Variants in TVP23A observed in about 807,000 individuals in gnomAD.
The protein encoded by TVP23A is trans-golgi network vesicle protein 23 homolog A.
Under a neutral mutation model 31.7 loss-of-function variants are expected in TVP23A, and 21 were observed. The observed-to-expected ratio is 0.66, with a 90% confidence interval of 0.47 to 0.95. TVP23A has a LOEUF of 0.95. Among genes scored for constraint, TVP23A ranks in the 40% least tolerant of loss-of-function variants. The probability of loss-of-function intolerance (pLI) is 0.00; values close to 1 mark genes in which losing one functional copy is unlikely to be tolerated. For missense variants in TVP23A, 279 were observed against 255.6 expected (o/e 1.09, Z -0.62); for synonymous variants, 104 against 96.0 (o/e 1.08, Z -0.49).
Position 10,766,692 on chromosome 16 carries a change from G to C in TVP23A, c.*2410C>G. The C allele has an allele frequency of 2.7e-6, 1 of 364,070 alleles. No homozygotes were observed. The allele number at this position is 364,070 out of a possible 1,614,324, so 22.6% of individuals were successfully genotyped here. ...CGCACAAAGAAAGGAAGGAAGGAAG[G>C]GATTTATTGAAAATGAAAGTCAACT... On this transcript the variant is annotated 3_prime_UTR_variant, in exon 8 of 8. Coordinates refer to ENST00000299866, the MANE Select transcript of TVP23A (RefSeq NM_001079512.4). This position sits in a 1 kb window ranked among gnomAD's most constrained non-coding sequence, Gnocchi z 4.8.
intron 2 of TVP23A, among the ~76,000 whole-genome samples, chr16:10,811,372 A>C (rs1212053615): frequency 6.6e-6 from 1 of 152,072 alleles, no homozygotes; most frequent in South Asian, 2.1e-4. Flanking sequence ...AGGCTCAAGC[A>C]ATCTTCCTAC....
At chr16:10,808,634 G>C (rs907171337) in intron 2 of TVP23A, 1 of 430,376 alleles carries the variant, frequency 2.3e-6, no homozygotes, top group Non-Finnish European at 4.7e-6. Flanking sequence ...AAAATTAGCA[G>C]GGTGTAGTAG....
At chr16:10,798,886 T>C (rs543046012) in intron 2 of TVP23A, among the ~76,000 whole-genome samples, 16 of 152,148 alleles carry the variant, frequency 1.1e-4, no homozygotes, top group Non-Finnish European at 2.2e-4. Context: ...ATGGTCTCGA[T>C]CTCCTGACCT....
rs944637013 is a variant in TVP23A, at chr16:10,796,340, C to CA, written c.90-21245dup. 2.3e-3 allele frequency among the ~76,000 whole-genome samples: 340 copies of CA among 150,852 alleles called. 2 individuals carry two copies. The highest frequency in any genetic ancestry group is 8.1e-3 in the African/African-American group (330 of 40,948). ...TGGGCAACAGAGCAAGACCCTGTCT[C>CA]AAAAAAAAGAACAATTTAAAAGATA... On this transcript the variant is annotated intron_variant, in intron 2 of 7. Transcript: ENST00000299866.
At chr16:10,805,206 AT>A (rs2033888134) in intron 2 of TVP23A, among the ~76,000 whole-genome samples, 1 of 151,282 alleles carries the variant, frequency 6.6e-6, no homozygotes, top group African/African-American at 2.4e-5. Flanking sequence ...TAATTTTTGT[AT>A]TTTTAGTAGA....
At position 10,777,749 on chromosome 16, in the gene TVP23A, C is replaced by T. The variant is rs930049494; in HGVS notation, c.90-2653G>A. Among the ~76,000 whole-genome samples, 30 of 152,268 alleles carry T rather than the reference C, an allele frequency of 2.0e-4. No homozygotes were observed. In the South Asian group the frequency reaches 5.8e-3, roughly 30 times the overall value. ...GGATCAAGCCGGGCGTGGTGGCTCA[C>T]GCCTGTAATCCCAGCACTTTGGGAG... On this transcript the variant is annotated intron_variant, in intron 2 of 7. Transcript: ENST00000299866. The surrounding 1 kb of genome is among the most constrained non-coding windows in gnomAD (Gnocchi z 4.5).
rs944492286 is a variant in TVP23A, at chr16:10,770,175, G to C, written c.*97C>G. On this transcript the variant is annotated intron_variant, in intron 7 of 7. Coordinates refer to ENST00000299866, the MANE Select transcript of TVP23A (RefSeq NM_001079512.4). ...CATGCCTGGCCACCCCAGGGAACAGGGGAAGCCCACCCAGACCCCGGGCCC... is the reference window on the plus strand; with the variant it reads ...CATGCCTGGCCACCCCAGGGAACAGCGGAAGCCCACCCAGACCCCGGGCCC... The C allele has an allele frequency of 5.3e-5, 78 of 1,472,568 alleles. No individual in the cohort carries two copies. In the African/African-American group the frequency reaches 8.1e-4, roughly 15 times the overall value. The allele number at this position is 1,472,568 out of a possible 1,614,324, so 91.2% of individuals were successfully genotyped here. A position where few individuals can be genotyped will look rare whatever the true frequency, so the allele number is the denominator to read the frequency against.
intron 2 of TVP23A, among the ~76,000 whole-genome samples, chr16:10,787,137 G>A (rs1475906444): frequency 6.6e-6 from 1 of 152,114 alleles, no homozygotes; most frequent in Non-Finnish European, 1.5e-5. Flanking sequence ...AAGCCAGAGG[G>A]TCCAGCCCCA....
intron 2 of TVP23A, among the ~76,000 whole-genome samples, chr16:10,798,379 C>A (rs1258168436): frequency 1.3e-5 from 2 of 152,096 alleles, no homozygotes; most frequent in East Asian, 3.9e-4. Flanking sequence ...TCCTCACCTG[C>A]AAAATGGAGA....
In TVP23A at chr16:10,818,758, G is replaced by T. The variant is rs187332194; in HGVS notation, c.-265C>A. 1,130 of 488,128 alleles carry T rather than the reference G, an allele frequency of 2.3e-3. 13 individuals carry two copies. The highest frequency in any genetic ancestry group is 0.021 in the African/African-American group (1,010 of 48,638). The allele number at this position is 488,128 out of a possible 1,614,324, so 30.2% of individuals were successfully genotyped here. On this transcript the variant is annotated 5_prime_UTR_variant, in exon 1 of 8. Transcript: ENST00000299866. The surrounding 1 kb of genome is among the most constrained non-coding windows in gnomAD (Gnocchi z 4.7). ...GAGAAAGCGGCGGCAGGGAGGCAACGGCCTGGGGAACTGCGGACAGAGATA... is the reference window on the plus strand; with the variant it reads ...GAGAAAGCGGCGGCAGGGAGGCAACTGCCTGGGGAACTGCGGACAGAGATA...
chr16:10,775,127 C>A, intron 2 of TVP23A, 31 bp from the exon 3 acceptor site: 1 of 1,591,126 alleles, frequency 6.3e-7, no homozygotes, highest in Non-Finnish European at 8.6e-7. Flanking sequence ...CGCCCTCACT[C>A]CAAGAGCTAA....
At chr16:10,757,951 C>A (rs550505555), downstream of TVP23A, 3 of 1,614,102 alleles carry the variant, frequency 1.9e-6, no homozygotes, top group Non-Finnish European at 2.5e-6. The surrounding 1 kb of genome is among the most constrained non-coding windows in gnomAD (Gnocchi z 4.1). Context: ...CCTGGGACGT[C>A]GGATGAACAC....
At chr16:10,791,076 G>T (rs994017353) in intron 2 of TVP23A, among the ~76,000 whole-genome samples, 21 of 152,096 alleles carry the variant, frequency 1.4e-4, no homozygotes, top group African/African-American at 4.8e-4. Flanking sequence ...TGGTTTACAG[G>T]CTTCTGGGAG....
chr16:10,763,339 C>T (rs1013237875), downstream of TVP23A, among the ~76,000 whole-genome samples: 1 of 151,310 alleles, frequency 6.6e-6, no homozygotes, highest in African/African-American at 2.4e-5. Flanking sequence ...ATGGCTGCCT[C>T]GAGGAAGTGG....
downstream of TVP23A, among the ~76,000 whole-genome samples, chr16:10,758,207 A>G (rs1303378900): frequency 6.6e-6 from 1 of 151,854 alleles, no homozygotes; most frequent in African/African-American, 2.4e-5. Flanking sequence ...ACAGTGATTC[A>G]CACCTGTAAT....
chr16:10,805,558 G>A (rs1809799922), intron 2 of TVP23A, among the ~76,000 whole-genome samples: 1 of 148,224 alleles, frequency 6.7e-6, no homozygotes, highest in African/African-American at 2.5e-5. Context: ...AAGCCGGCTT[G>A]CTCCTGTCAC....
chr16:10,773,647 T>G (rs991006718), intron 4 of TVP23A, among the ~76,000 whole-genome samples: 1 of 152,222 alleles, frequency 6.6e-6, no homozygotes, highest in Non-Finnish European at 1.5e-5. Context: ...CTTGGCTCAC[T>G]GGAACCTCCG....
At chr16:10,758,934 G>A (rs1434465398), downstream of TVP23A, among the ~76,000 whole-genome samples, 2 of 152,228 alleles carry the variant, frequency 1.3e-5, no homozygotes, top group African/African-American at 4.8e-5. Flanking sequence ...AAGTCCTGCA[G>A]AGAGCAACTG....
chr16:10,788,501 G>C (rs2032903079), intron 2 of TVP23A, among the ~76,000 whole-genome samples: 1 of 152,000 alleles, frequency 6.6e-6, no homozygotes, highest in African/African-American at 2.4e-5. Context: ...GTCTCTGTTG[G>C]GGACCAGCCT....
Sources: allele counts gnomAD v4.1 joint callset (sites outside exome capture counted in the v4.1 genomes callset), GRCh38; gene constraint gnomAD v4.1.1; non-coding constraint Gnocchi (gnomAD v3.1); transcripts MANE v1.5; gene names NCBI Gene and HGNC (gene_info 2026-07-23, HGNC 2026-07-21).